The following CCDC117 variants were observed in gnomAD, a reference collection of about 807,000 sequenced individuals.
The protein encoded by CCDC117 is coiled-coil domain containing 117.
CCDC117 carries 1 observed loss-of-function variant against 23.5 expected under a neutral mutation model. The ratio of observed to expected loss-of-function variants is 0.04; its 90% CI spans 0.02 to 0.20. The LOEUF (loss-of-function observed/expected upper bound fraction) is 0.20, where lower values mean the gene tolerates loss of function less well. CCDC117 is among the 10% of genes least tolerant of loss of function. The pLI is 1.00. For missense variants in CCDC117, 383 were observed against 348.2 expected, an observed-to-expected ratio of 1.10 and a Z score of -0.80; for synonymous variants, 132 against 124.8, an observed-to-expected ratio of 1.06 and a Z score of -0.39.
chr22:28,781,562 G>A lies in CCDC117; in HGVS notation c.464+390G>A, dbSNP rs1326172718. Among the ~76,000 whole-genome samples, 10 of 110,782 alleles carry A rather than the reference G, an allele frequency of 9.0e-5. 1 individual carries two copies. Among genetic ancestry groups the A allele is most frequent in the Non-Finnish European group, 1.2e-4 (7 of 58,916 alleles). 72.7% of individuals were successfully genotyped at this position (110,782 alleles called of 152,430 possible). The stretch of plus-strand genomic sequence containing the variant: ...GAGACGGGGTTTCACCGTTTTAGCC[G>A]GGATGGTCTCGATCTCTTGACCTCG... On this transcript the variant is annotated intron_variant, in intron 3 of 4. Coordinates refer to ENST00000249064, the MANE Select transcript of CCDC117 (RefSeq NM_173510.4).
At chr22:28,774,627 C>T (rs2031110515) in intron 2 of CCDC117, among the ~76,000 whole-genome samples, 1 of 152,068 alleles carries the variant, frequency 6.6e-6, no homozygotes, top group Non-Finnish European at 1.5e-5. Flanking sequence ...CCTCCCAACT[C>T]TGGGATTACA....
At chr22:28,773,577 G>A (rs2031064050) in intron 1 of CCDC117, 148 bp from the exon 2 acceptor site, 1 of 663,528 alleles carries the variant, frequency 1.5e-6, no homozygotes, top group Non-Finnish European at 2.8e-6. Flanking sequence ...TTACCCGACT[G>A]ACCTGTGATT....
intron 2 of CCDC117, among the ~76,000 whole-genome samples, chr22:28,774,060 T>C (rs2031084175): frequency 7.5e-6 from 1 of 133,672 alleles, no homozygotes. Flanking sequence ...TATTGAAAAG[T>C]TTTGTTTTTG....
At chr22:28,773,684 A>G (rs764160035) in intron 1 of CCDC117, 41 bp from the exon 2 acceptor site, 1 of 1,522,022 alleles carries the variant, frequency 6.6e-7, no homozygotes, top group Non-Finnish European at 9.1e-7. Context: ...CACAAGCTCG[A>G]GTACATTTCT....
At chr22:28,782,250 C>CT (rs34670753) in intron 3 of CCDC117, among the ~76,000 whole-genome samples, 4,021 of 80,322 alleles carry the variant, frequency 0.05, 732 homozygotes, top group African/African-American at 0.13. Flanking sequence ...TCTACTGAGC[C>CT]TTTTTTTTTT....
intron 2 of CCDC117, among the ~76,000 whole-genome samples, chr22:28,776,080 T>C (rs2031154424): frequency 6.6e-6 from 1 of 152,110 alleles, no homozygotes; most frequent in South Asian, 2.1e-4. Context: ...GAGTGTAAAT[T>C]GGGACCATTA....
chr22:28,778,641 G>A (rs560441199), intron 2 of CCDC117, among the ~76,000 whole-genome samples: 5 of 152,008 alleles, frequency 3.3e-5, no homozygotes, highest in South Asian at 2.1e-4. Context: ...TATCTTTTGC[G>A]GTTCTCTCTT....
chr22:28,772,710 G>A lies in CCDC117; in HGVS notation c.-140G>A, dbSNP rs1569195607. The A allele has an allele frequency of 1.6e-6, 1 of 609,940 alleles. No individual in the cohort carries two copies. The highest frequency in any genetic ancestry group is 8.5e-5 in the South Asian group (1 of 11,696). The allele number at this position is 609,940 out of a possible 1,614,324, so 37.8% of individuals were successfully genotyped here. A position where few individuals can be genotyped will look rare whatever the true frequency, so the allele number is the denominator to read the frequency against. On this transcript the variant is annotated 5_prime_UTR_variant, in exon 1 of 5. Coordinates refer to ENST00000249064, the MANE Select transcript of CCDC117 (RefSeq NM_173510.4). ...GCATGCCCCCGAGCGGCCTGAGGTG[G>A]AGGGTTCTAGAAGGCGTGACGTGGG...
At position 28,772,833 on chromosome 22, in the gene CCDC117, T is replaced by G; in HGVS notation, c.-17T>G. ...GGCGGCCGAGGCCGCCGTCGCAGCC[T>G]CCTCGTCTCGCCGGCTATGGCTGCG... On this transcript the variant is annotated 5_prime_UTR_variant, in exon 1 of 5. Coordinates refer to ENST00000249064, the MANE Select transcript of CCDC117 (RefSeq NM_173510.4). 5.7e-6 allele frequency: 7 copies of G among 1,225,438 alleles called. No homozygotes were observed. Among genetic ancestry groups the G allele is most frequent in the Non-Finnish European group, 6.1e-6 (6 of 983,544 alleles). The allele number at this position is 1,225,438 out of a possible 1,614,324, so 75.9% of individuals were successfully genotyped here.
chr22:28,785,027 C>T (rs2031467908), intron 4 of CCDC117, among the ~76,000 whole-genome samples: 1 of 152,302 alleles, frequency 6.6e-6, no homozygotes, highest in East Asian at 1.9e-4. Context: ...TCTTCGGCCT[C>T]CCAAAGTGCT....
intron 2 of CCDC117, among the ~76,000 whole-genome samples, chr22:28,780,109 A>G (rs1485579351): frequency 6.6e-6 from 1 of 152,194 alleles, no homozygotes; most frequent in East Asian, 1.9e-4. Flanking sequence ...TTACGGTGAC[A>G]CTTTGGAGAA....
chr22:28,785,960 G>T (rs1019243592), intron 4 of CCDC117, 129 bp from the exon 5 acceptor site: 1 of 627,154 alleles, frequency 1.6e-6, no homozygotes. Context: ...AGATCAGTTT[G>T]TGTGTTCTAA....
chr22:28,783,415 C>T, intron 3 of CCDC117, 93 bp from the exon 4 acceptor site: 2 of 1,253,514 alleles, frequency 1.6e-6, no homozygotes, highest in Non-Finnish European at 2.2e-6. Flanking sequence ...CTGCTTTTAT[C>T]CTTTTTTATT....
rs76014083 is a variant in CCDC117, at chr22:28,787,444, G to A, written c.*1118G>A. 5 of 152,274 alleles carry A rather than the reference G, an allele frequency of 3.3e-5. No individual in the cohort carries two copies. The highest frequency in any genetic ancestry group is 1.2e-4 in the African/African-American group (5 of 41,564). The allele number at this position is 152,274 out of a possible 1,614,324, so 9.4% of individuals were successfully genotyped here. On this transcript the variant is annotated 3_prime_UTR_variant, in exon 5 of 5. Coordinates refer to ENST00000249064, the MANE Select transcript of CCDC117 (RefSeq NM_173510.4). ...GTGAGCCACGGCACGCAGCCAGCAA[G>A]TTGTTTTTAAATGTTAATATAGAAA... is the stretch of plus-strand genomic sequence containing the variant.
At chr22:28,773,504 C>T (rs1235575033) in intron 1 of CCDC117, 8 of 585,286 alleles carry the variant, frequency 1.4e-5, no homozygotes, top group Non-Finnish European at 2.5e-5. Flanking sequence ...ATCTGTCTTC[C>T]ATTACGTTGA....
At chr22:28,781,999 A>T in intron 3 of CCDC117, among the ~76,000 whole-genome samples, 1 of 128,648 alleles carries the variant, frequency 7.8e-6, no homozygotes. Context: ...CCCAGGTTGG[A>T]GTGCAGTGGC....
intron 1 of CCDC117, 145 bp from the exon 2 acceptor site, chr22:28,773,580 C>T (rs949318021): frequency 1.5e-6 from 1 of 668,432 alleles, no homozygotes. Flanking sequence ...CCCGACTGAC[C>T]TGTGATTTGT....
At chr22:28,777,853 AT>A (rs201396413) in intron 2 of CCDC117, among the ~76,000 whole-genome samples, 342 of 141,592 alleles carry the variant, frequency 2.4e-3, no homozygotes, top group Admixed American at 2.1e-3. Context: ...TCTTATAGGA[AT>A]TTTTTTTTTT....
intron 3 of CCDC117, among the ~76,000 whole-genome samples, 163 bp downstream of exon 3, chr22:28,781,335 G>GGTTTTTTTTTTTTTTTTTTTTTTT (rs2031316368): frequency 6.7e-5 from 1 of 14,824 alleles, no homozygotes; most frequent in Admixed American, 9.5e-4. Flanking sequence ...TTTTTGTTTT[G>GGTTTTTTTTTTTTTTTTTTTTTTT]TTTTTTTTTT....
Sources: allele counts gnomAD v4.1 joint callset (sites outside exome capture counted in the v4.1 genomes callset), GRCh38; gene constraint gnomAD v4.1.1; transcripts MANE v1.5; gene names NCBI Gene and HGNC (gene_info 2026-07-23, HGNC 2026-07-21).